FGGY: variants seen among roughly 807,000 people sequenced by gnomAD.
FGGY encodes FGGY carbohydrate kinase domain-containing protein.
FGGY carries 72 observed loss-of-function variants against 71.3 expected under a neutral mutation model. The observed-to-expected ratio is 1.01, with a 90% confidence interval of 0.84 to 1.23. FGGY has a LOEUF of 1.23. Ranked by LOEUF, FGGY falls within the 50% of genes most tolerant of loss-of-function variation. The pLI is 0.00. For missense variants in FGGY, 668 were observed against 682.3 expected, an observed-to-expected ratio of 0.98 and a Z score of 0.23; for synonymous variants, 251 against 250.3, an observed-to-expected ratio of 1.00 and a Z score of -0.02.
intron 7 of FGGY, among the ~76,000 whole-genome samples, chr1:59,523,394 G>A (rs975561651): frequency 6.6e-6 from 1 of 152,236 alleles, no homozygotes; most frequent in Non-Finnish European, 1.5e-5. Context: ...CCCCAAGGCG[G>A]CAGCCTCACA....
At chr1:59,364,007 A>G (rs1033752042) in intron 4 of FGGY, among the ~76,000 whole-genome samples, 2 of 152,214 alleles carry the variant, frequency 1.3e-5, no homozygotes, top group African/African-American at 2.4e-5. Flanking sequence ...GACTCCAAAG[A>G]AATGCCAGTT....
chr1:59,612,488 T>C (rs1380996128), intron 9 of FGGY, among the ~76,000 whole-genome samples: 1 of 152,120 alleles, frequency 6.6e-6, no homozygotes, highest in Non-Finnish European at 1.5e-5. Context: ...AAAGAGCTCC[T>C]GACGGAAGCA....
chr1:59,424,491 G>T (rs2065998695), intron 5 of FGGY, among the ~76,000 whole-genome samples: 1 of 152,172 alleles, frequency 6.6e-6, no homozygotes, highest in Non-Finnish European at 1.5e-5. Context: ...AGGTTGCAGT[G>T]AGCCAAAATC....
chr1:59,730,137 C>G (rs2098007399), intron 14 of FGGY, among the ~76,000 whole-genome samples: 1 of 152,028 alleles, frequency 6.6e-6, no homozygotes, highest in South Asian at 2.1e-4. Context: ...TTCAAATTAC[C>G]ACTGAAGTGT....
intron 4 of FGGY, among the ~76,000 whole-genome samples, chr1:59,351,598 C>T (rs77844785): frequency 0.024 from 3,716 of 152,260 alleles, 173 homozygotes; most frequent in African/African-American, 0.086. Flanking sequence ...GGCTGGTGCA[C>T]AGTAGGTGCT....
At chr1:59,612,977 G>A (rs1384552544) in intron 9 of FGGY, among the ~76,000 whole-genome samples, 1 of 152,166 alleles carries the variant, frequency 6.6e-6, no homozygotes, top group Non-Finnish European at 1.5e-5. Context: ...CCCAATACAG[G>A]AGCACCCAGA....
chr1:59,343,249 A>T (rs1176968409), intron 3 of FGGY, among the ~76,000 whole-genome samples: 1 of 152,334 alleles, frequency 6.6e-6, no homozygotes, highest in African/African-American at 2.4e-5. Context: ...TTAAGTGAAT[A>T]TATGGATGAA....
chr1:59,352,795 T>G (rs1218380493), intron 4 of FGGY, among the ~76,000 whole-genome samples: 1 of 152,230 alleles, frequency 6.6e-6, no homozygotes, highest in Admixed American at 6.5e-5. Context: ...TATTTGGCCT[T>G]ATTTTGTCAC....
At chr1:59,713,229 T>TA (rs1399271041) in intron 14 of FGGY, among the ~76,000 whole-genome samples, 1 of 152,250 alleles carries the variant, frequency 6.6e-6, no homozygotes, top group Non-Finnish European at 1.5e-5. Flanking sequence ...TTATTGTTCA[T>TA]ATCACTATCA....
chr1:59,516,386 A>G (rs559187147), intron 7 of FGGY, among the ~76,000 whole-genome samples: 6 of 152,220 alleles, frequency 3.9e-5, no homozygotes, highest in Non-Finnish European at 8.8e-5. Flanking sequence ...TTCGTTTTGG[A>G]AAGAAAATTC....
chr1:59,297,435 A>T (rs1329918920), intron 1 of FGGY, among the ~76,000 whole-genome samples: 1 of 152,184 alleles, frequency 6.6e-6, no homozygotes, highest in Non-Finnish European at 1.5e-5. Context: ...GGCACAGCTG[A>T]GTTTAGATGA....
intron 5 of FGGY, among the ~76,000 whole-genome samples, chr1:59,383,623 A>G (rs1016890769): frequency 6.6e-6 from 1 of 152,134 alleles, no homozygotes; most frequent in African/African-American, 2.4e-5. Context: ...TCTCATAAGA[A>G]ATGTTTACAG....
intron 14 of FGGY, among the ~76,000 whole-genome samples, chr1:59,734,466 A>G (rs183457048): frequency 6.6e-6 from 1 of 152,134 alleles, no homozygotes; most frequent in Non-Finnish European, 1.5e-5. Context: ...GGCCTCCCAG[A>G]GTTCTGGGAT....
At chr1:59,375,353 G>A (rs2058493109) in intron 4 of FGGY, among the ~76,000 whole-genome samples, 1 of 151,790 alleles carries the variant, frequency 6.6e-6, no homozygotes, top group Non-Finnish European at 1.5e-5. Flanking sequence ...AAGGGATCAG[G>A]CTTCTGGAGA....
intron 6 of FGGY, among the ~76,000 whole-genome samples, chr1:59,459,914 T>C (rs1386575403): frequency 6.6e-6 from 1 of 152,220 alleles, no homozygotes; most frequent in Non-Finnish European, 1.5e-5. Context: ...GGGTTTGTCA[T>C]ATAAAGGGAT....
intron 11 of FGGY, among the ~76,000 whole-genome samples, chr1:59,647,453 A>T (rs1485974031): frequency 6.6e-6 from 1 of 152,132 alleles, no homozygotes; most frequent in African/African-American, 2.4e-5. Flanking sequence ...AAATTACACA[A>T]ATCTAGTGGC....
chr1:59,709,941 C>A (rs142772036), intron 14 of FGGY, among the ~76,000 whole-genome samples: 50 of 152,272 alleles, frequency 3.3e-4, no homozygotes, highest in African/African-American at 1.2e-3. Flanking sequence ...CTGCCTTGAC[C>A]CACCCTGAGA....
At chr1:59,671,996 G>A (rs2097383058) in intron 13 of FGGY, among the ~76,000 whole-genome samples, 1 of 152,120 alleles carries the variant, frequency 6.6e-6, no homozygotes, top group Non-Finnish European at 1.5e-5. Context: ...GGGAGCTTTT[G>A]GCAGGGTAGG....
At chr1:59,450,856 AT>A (rs1313755796) in intron 5 of FGGY, among the ~76,000 whole-genome samples, 2 of 151,970 alleles carry the variant, frequency 1.3e-5, no homozygotes, top group South Asian at 2.1e-4. Flanking sequence ...TCATTTAAAA[AT>A]TTTTTTGTTT....
Sources: gnomAD v4.1 joint callset for allele counts (sites outside exome capture counted in the v4.1 genomes callset) on GRCh38, gnomAD v4.1.1 for gene constraint, MANE v1.5 for transcripts, NCBI Gene and HGNC (gene_info 2026-07-23, HGNC 2026-07-21) for gene names.